BCL11B: variants seen among roughly 807,000 people sequenced by gnomAD.
BCL11B encodes B-cell lymphoma/leukemia 11B.
Under a neutral mutation model 49.9 loss-of-function variants are expected in BCL11B, and 8 were observed. The ratio of observed to expected loss-of-function variants is 0.16; its 90% confidence interval spans 0.09 to 0.29. The LOEUF is 0.29. BCL11B is among the 10% of genes least tolerant of loss of function. The pLI is 1.00. For synonymous variants in BCL11B, 739 were observed against 637.4 expected, an observed-to-expected ratio of 1.16 and a Z score of -2.40; for missense variants, 1,006 against 1,351.0, an observed-to-expected ratio of 0.74 and a Z score of 4.00.
At chr14:99,245,716 T>TC (rs1285518539) in intron 2 of BCL11B, among the ~76,000 whole-genome samples, 3 of 151,956 alleles carry the variant, frequency 2.0e-5, no homozygotes, top group Non-Finnish European at 2.9e-5. Flanking sequence ...ACTTCCACAT[T>TC]CCCCATGCCC....
rs779842515 is a variant in BCL11B at position 99,174,724 on chromosome 14, G to C, written c.2112C>G (p.Ser704=). Reference sequence around the variant, plus strand: ...CCAGCCACTGCGAGTACACGTTCTCGGACGGGATGAGCGCGGCGGGCGGCA... The same window carrying C: ...CCAGCCACTGCGAGTACACGTTCTCCGACGGGATGAGCGCGGCGGGCGGCA... ...LELPPAALIP[S]ENVYSQWLVG... The change falls in exon 4 of 4, where the codon TCC becomes TCG. Residue 704 remains serine (S), a synonymous_variant. Transcript: ENST00000357195. The C allele has an allele frequency of 1.9e-6, 3 of 1,554,316 alleles. No individual in the cohort carries two copies. Among genetic ancestry groups the C allele is most frequent in the Non-Finnish European group, 2.6e-6 (3 of 1,151,162 alleles).
intron 3 of BCL11B, among the ~76,000 whole-genome samples, chr14:99,209,546 G>A (rs558157373): frequency 2.0e-5 from 3 of 152,260 alleles, no homozygotes; most frequent in South Asian, 2.1e-4. Flanking sequence ...AGAAGCATGC[G>A]CCCAGCACGA....
At chr14:99,187,040 G>A (rs1199007898) in intron 3 of BCL11B, among the ~76,000 whole-genome samples, 2 of 152,176 alleles carry the variant, frequency 1.3e-5, no homozygotes, top group African/African-American at 4.8e-5. Flanking sequence ...CAGGCTGTCG[G>A]TGGAACAGGG....
chr14:99,224,875 G>A (rs1291933534), intron 3 of BCL11B, among the ~76,000 whole-genome samples: 7 of 152,146 alleles, frequency 4.6e-5, no homozygotes, highest in Admixed American at 1.3e-4. Context: ...AGTCTAACAC[G>A]GGTCCACAAT....
intron 2 of BCL11B, among the ~76,000 whole-genome samples, chr14:99,236,198 C>T (rs144614568): frequency 2.6e-5 from 4 of 152,226 alleles, no homozygotes; most frequent in African/African-American, 9.6e-5. Flanking sequence ...AAGGCAGCGC[C>T]AAATTTCATA....
chr14:99,267,549 C>CCCT (rs1555385125), intron 1 of BCL11B, among the ~76,000 whole-genome samples: 3 of 149,664 alleles, frequency 2.0e-5, no homozygotes, highest in Non-Finnish European at 3.0e-5. Flanking sequence ...ACTTCACCCC[C>CCCT]CCCCCACCAA....
intron 3 of BCL11B, among the ~76,000 whole-genome samples, chr14:99,217,401 C>G (rs1012515874): frequency 2.6e-5 from 4 of 151,088 alleles, no homozygotes; most frequent in Non-Finnish European, 5.9e-5. Flanking sequence ...CACACACACA[C>G]ACACACACAC....
chr14:99,175,005 C>T lies in BCL11B; in HGVS notation c.1831G>A (p.Gly611Ser), dbSNP rs776605814. 5 of 1,588,520 alleles carry T rather than the reference C, an allele frequency of 3.1e-6. No individual in the cohort carries two copies. In the Admixed American group the frequency reaches 5.0e-5, roughly 16 times the overall value. Residue 611 changes from glycine to serine, a missense_variant, in exon 4 of 4, where the codon GGC becomes AGC. By Grantham distance (56) the Gly-to-Ser change is moderately conservative. Coordinates refer to ENST00000357195, the MANE Select transcript of BCL11B (RefSeq NM_138576.4). ...TTCTGCTTGTCGGCCAGGAGCTCGCCGTACTGCGGCAGTGCGCCTAGGCCC... is the reference window on the plus strand; with the variant it reads ...TTCTGCTTGTCGGCCAGGAGCTCGCTGTACTGCGGCAGTGCGCCTAGGCCC... ...NVGLGALPQY[G>S]ELLADKQKRG...
chr14:99,203,818 T>A (rs565124647), intron 3 of BCL11B, among the ~76,000 whole-genome samples: 13 of 152,200 alleles, frequency 8.5e-5, no homozygotes, highest in African/African-American at 3.1e-4. Context: ...CAGATAGGGA[T>A]AGAGGGCTGG....
chr14:99,204,625 G>C (rs1887482870), intron 3 of BCL11B, among the ~76,000 whole-genome samples: 3 of 152,146 alleles, frequency 2.0e-5, no homozygotes, highest in African/African-American at 7.2e-5. Flanking sequence ...GGCAGTCCCT[G>C]GACACCTCCC....
intron 1 of BCL11B, among the ~76,000 whole-genome samples, chr14:99,268,257 C>G (rs1457848655): frequency 6.6e-6 from 1 of 152,002 alleles, no homozygotes; most frequent in African/African-American, 2.4e-5. Flanking sequence ...GAGCCCTTCT[C>G]AGACGCTCCC....
chr14:99,252,811 T>C (rs963138935), intron 2 of BCL11B, among the ~76,000 whole-genome samples: 4 of 152,252 alleles, frequency 2.6e-5, no homozygotes, highest in African/African-American at 4.8e-5. Context: ...CATTTGGTTA[T>C]GGAAGGGCTG....
chr14:99,216,924 A>C (rs1166573630), intron 3 of BCL11B, among the ~76,000 whole-genome samples: 2 of 72,510 alleles, frequency 2.8e-5, no homozygotes, highest in Admixed American at 1.5e-4. Flanking sequence ...ATGTACTCAC[A>C]TGCACAAATA....
At chr14:99,218,340 A>T (rs947099276) in intron 3 of BCL11B, among the ~76,000 whole-genome samples, 1 of 147,348 alleles carries the variant, frequency 6.8e-6, no homozygotes, top group Non-Finnish European at 1.5e-5. Context: ...TCGGCCTCCC[A>T]AAGTGCTGGG....
chr14:99,272,183 G>A lies in BCL11B; in HGVS notation c.-965C>T, dbSNP rs755082950. Reference sequence around the variant, plus strand: ...GAGTCCGGGTTCTCTGGGAGCTCTCGGTCTCTCTATGGCTGGGGCTGCCTC... The same window carrying A: ...GAGTCCGGGTTCTCTGGGAGCTCTCAGTCTCTCTATGGCTGGGGCTGCCTC... On this transcript the variant is annotated 5_prime_UTR_variant, in exon 1 of 4. Coordinates refer to ENST00000357195, the MANE Select transcript of BCL11B (RefSeq NM_138576.4). The surrounding 1 kb of genome is among the most constrained non-coding windows in gnomAD (Gnocchi z 6.0). Among the ~76,000 whole-genome samples the A allele has an allele frequency of 3.9e-5, 6 of 152,148 alleles. No homozygotes were observed. The highest frequency in any genetic ancestry group is 7.4e-5 in the Non-Finnish European group (5 of 68,024).
rs565895299 is a variant in BCL11B at position 99,270,647 on chromosome 14, C to T, written c.58+514G>A. On this transcript the variant is annotated intron_variant, in intron 1 of 3. Transcript: ENST00000357195. The stretch of plus-strand genomic sequence containing the variant: ...ACCGGGGACCCGGAGCCGGCGGCCG[C>T]CCCTGGCCCTACGGCTCCCCCAGCC... 8.8e-3 allele frequency among the ~76,000 whole-genome samples: 1,342 copies of T among 151,960 alleles called. 19 individuals carry two copies. Among genetic ancestry groups the T allele is most frequent in the African/African-American group, 0.031 (1,281 of 41,476 alleles).
intron 1 of BCL11B, among the ~76,000 whole-genome samples, chr14:99,267,554 C>CA (rs71110578): frequency 0.012 from 1,661 of 139,340 alleles, 33 homozygotes; most frequent in African/African-American, 0.039. Context: ...ACCCCCCCCC[C>CA]ACCAACTAAC....
rs1180266494 is a variant in BCL11B at position 99,232,248 on chromosome 14, C to T, written c.428-691G>A. Among the ~76,000 whole-genome samples, 3 of 152,098 alleles carry T rather than the reference C, an allele frequency of 2.0e-5. No homozygotes were observed. ...ACCCCCTCCTAACGTCTCGGCCTGG[C>T]TTGGGAGGCCTCCCGCCATGTGACA... is the stretch of plus-strand genomic sequence containing the variant. On this transcript the variant is annotated intron_variant, in intron 2 of 3. Transcript: ENST00000357195. This position sits in a 1 kb window ranked among gnomAD's most constrained non-coding sequence, Gnocchi z 5.1.
At position 99,262,792 on chromosome 14, in the gene BCL11B, A is replaced by C. The variant is rs1223836181; in HGVS notation, c.59-4953T>G. On this transcript the variant is annotated intron_variant, in intron 1 of 3. Coordinates refer to ENST00000357195, the MANE Select transcript of BCL11B (RefSeq NM_138576.4). This position sits in a 1 kb window ranked among gnomAD's most constrained non-coding sequence, Gnocchi z 4.2. ...CCACACGCACACTCGACGGAGCACA[A>C]CACTTTCTGAGCTGCCATCCATTTT... Among the ~76,000 whole-genome samples, 1 of 152,058 alleles carries C rather than the reference A, an allele frequency of 6.6e-6. No individual in the cohort carries two copies. Among genetic ancestry groups the C allele is most frequent in the African/African-American group, 2.4e-5 (1 of 41,388 alleles).
Sources: gnomAD v4.1 joint callset for allele counts (sites outside exome capture counted in the v4.1 genomes callset) on GRCh38, gnomAD v4.1.1 for gene constraint, Gnocchi (gnomAD v3.1) non-coding constraint, MANE v1.5 for transcripts, NCBI Gene and HGNC (gene_info 2026-07-23, HGNC 2026-07-21) for gene names.